Variants in AFF1 observed in about 807,000 individuals in gnomAD.
AFF1 encodes the protein AF4/FMR2 family member 1.
Under a neutral mutation model 121.7 loss-of-function variants are expected in AFF1, and 48 were observed. The ratio of observed to expected loss-of-function variants is 0.39; its 90% CI spans 0.31 to 0.50. The LOEUF (loss-of-function observed/expected upper bound fraction) is 0.50. Among genes scored for constraint, AFF1 ranks in the 20% least tolerant of loss-of-function variants. The probability of loss-of-function intolerance (pLI) is 0.76; values close to 1 mark genes in which losing one functional copy is unlikely to be tolerated. For missense variants in AFF1, 1,523 were observed against 1,511.7 expected (o/e 1.01, Z -0.12); for synonymous variants, 613 against 563.0 (o/e 1.09, Z -1.26).
chr4:87,014,493 A>T (rs939586932), intron 2 of AFF1, among the ~76,000 whole-genome samples: 1 of 152,226 alleles, frequency 6.6e-6, no homozygotes, highest in Non-Finnish European at 1.5e-5. Flanking sequence ...CTGGGAAGTA[A>T]ATGTTAAAAT....
chr4:87,069,025 G>A (rs994942531), intron 4 of AFF1, among the ~76,000 whole-genome samples: 1 of 152,134 alleles, frequency 6.6e-6, no homozygotes, highest in African/African-American at 2.4e-5. Flanking sequence ...TAAGTGAGAG[G>A]TGAGGCCACA....
intron 16 of AFF1, among the ~76,000 whole-genome samples, chr4:87,129,431 A>T (rs946922507): frequency 2.6e-5 from 4 of 152,252 alleles, no homozygotes; most frequent in African/African-American, 9.6e-5. Flanking sequence ...ACTTATCTAA[A>T]GGAAATGGAT....
intron 1 of AFF1, among the ~76,000 whole-genome samples, chr4:86,946,806 C>A (rs7692406): frequency 0.018 from 2,800 of 152,154 alleles, 83 homozygotes; most frequent in African/African-American, 0.064. Context: ...CACCCAACAG[C>A]CCAACCTGTC....
chr4:87,083,309 C>G (rs1055558489), intron 4 of AFF1, among the ~76,000 whole-genome samples: 2 of 152,138 alleles, frequency 1.3e-5, no homozygotes, highest in Non-Finnish European at 2.9e-5. Context: ...AATAATTAAT[C>G]TCCTCTACCC....
Position 87,111,020 on chromosome 4 carries a change from T to A in AFF1, c.1533+2705T>A, listed in dbSNP as rs1162196666. ...TTTATTTTTTTTTTTTTATTTTTTTTTTTTTGAGACGGAGTCTCGCTCTGT... is the reference window on the plus strand; with the variant it reads ...TTTATTTTTTTTTTTTTATTTTTTTATTTTTGAGACGGAGTCTCGCTCTGT... On this transcript the variant is annotated intron_variant, in intron 11 of 20. Coordinates refer to ENST00000395146, the MANE Select transcript of AFF1 (RefSeq NM_001166693.3). Among the ~76,000 whole-genome samples the A allele has an allele frequency of 2.5e-4, 7 of 27,780 alleles. 2 individuals are homozygous for A. The highest frequency in any genetic ancestry group is 6.3e-4 in the Non-Finnish European group (7 of 11,106). The allele number at this position is 27,780 out of a possible 152,430, so 18.2% of individuals were successfully genotyped here.
At chr4:87,042,226 A>T (rs1256456309) in intron 2 of AFF1, among the ~76,000 whole-genome samples, 2 of 152,196 alleles carry the variant, frequency 1.3e-5, no homozygotes, top group African/African-American at 4.8e-5. Flanking sequence ...TCAAAATGGA[A>T]CCAAGAAAAA....
At chr4:87,108,058 C>CTG in intron 10 of AFF1, 101 bp from the exon 11 acceptor site, 1 of 1,358,984 alleles carries the variant, frequency 7.4e-7, no homozygotes, top group Non-Finnish European at 1.0e-6. Flanking sequence ...GTATCTAATA[C>CTG]CAAGGCCCGC....
At chr4:87,006,851 C>A (rs1021406243) in intron 2 of AFF1, 1 of 606,840 alleles carries the variant, frequency 1.6e-6, no homozygotes, top group South Asian at 7.1e-5. Flanking sequence ...CCCTACCCGA[C>A]CCTGCCTGCC....
intron 4 of AFF1, among the ~76,000 whole-genome samples, chr4:87,056,642 G>T (rs1720172417): frequency 6.6e-6 from 1 of 152,086 alleles, no homozygotes; most frequent in Non-Finnish European, 1.5e-5. Flanking sequence ...GTCATAGAAG[G>T]ATTCATATTT....
At chr4:86,992,148 C>G (rs1289865512) in intron 2 of AFF1, among the ~76,000 whole-genome samples, 1 of 152,118 alleles carries the variant, frequency 6.6e-6, no homozygotes, top group Non-Finnish European at 1.5e-5. Flanking sequence ...AGAGGCTGTG[C>G]AGCATAGTGG....
chr4:86,963,707 A>G (rs1224387347), intron 2 of AFF1, among the ~76,000 whole-genome samples: 1 of 152,164 alleles, frequency 6.6e-6, no homozygotes, highest in Non-Finnish European at 1.5e-5. Context: ...TCAACCTGGA[A>G]TGAGTTTTCT....
rs147629221 is a variant in AFF1 at position 87,114,994 on chromosome 4, C to T, written c.2161C>T (p.His721Tyr). 6,559 of 1,614,034 alleles carry T rather than the reference C, an allele frequency of 4.1e-3. 13 individuals carry two copies. The highest frequency in any genetic ancestry group is 5.1e-3 in the Non-Finnish European group (5,977 of 1,179,960). Residue 721 changes from histidine (H) to tyrosine (Y), a missense_variant, in exon 12 of 21, where the codon CAC becomes TAC. His to Tyr is a moderately conservative substitution (Grantham distance 83, BLOSUM62 2). This residue lies in a region of AFF1 where 905 missense variants were observed against 842.5 expected (regional missense o/e 1.07). Coordinates refer to ENST00000395146, the MANE Select transcript of AFF1 (RefSeq NM_001166693.3). The part of the protein sequence containing the change: ...VPLTESQGPP[H>Y]SGSGSRTSGC... Reference sequence around the variant, plus strand: ...CCTGACTGAGAGCCAGGGCCCACCCCACAGTGGCAGCGGCAGCAGGACTAG... The same window carrying T: ...CCTGACTGAGAGCCAGGGCCCACCCTACAGTGGCAGCGGCAGCAGGACTAG...
chr4:87,039,980 C>T (rs1181073992), intron 2 of AFF1, among the ~76,000 whole-genome samples: 2 of 152,154 alleles, frequency 1.3e-5, no homozygotes, highest in Non-Finnish European at 2.9e-5. Flanking sequence ...CGGCTCACTG[C>T]AGCCGAGATC....
At chr4:87,002,240 G>C (rs1725781758) in intron 2 of AFF1, among the ~76,000 whole-genome samples, 1 of 150,934 alleles carries the variant, frequency 6.6e-6, no homozygotes, top group South Asian at 2.1e-4. Flanking sequence ...CTACAAGTGT[G>C]AGCCACCATG....
intron 4 of AFF1, among the ~76,000 whole-genome samples, chr4:87,062,696 G>A (rs977736062): frequency 6.6e-6 from 1 of 152,044 alleles, no homozygotes; most frequent in Non-Finnish European, 1.5e-5. Context: ...ACAAAAGTTT[G>A]TTTCTTTCTT....
intron 2 of AFF1, chr4:87,036,810 C>T (rs956585620): frequency 3.9e-6 from 2 of 513,970 alleles, no homozygotes; most frequent in African/African-American, 3.9e-5. Context: ...CAAGTATCTG[C>T]TTTTTTTCTC....
At position 87,114,477 on chromosome 4, in the gene AFF1, C is replaced by T. The variant is rs370123349; in HGVS notation, c.1644C>T (p.His548=). Residue 548 remains histidine, a synonymous_variant, in exon 12 of 21, where the codon CAC becomes CAT. Coordinates refer to ENST00000395146, the MANE Select transcript of AFF1 (RefSeq NM_001166693.3). ...GGAGCACAGAGCCCCCACGGCGGCACCCAGAGAGTAAGGGCAGCAGCGACA... is the reference window on the plus strand; with the variant it reads ...GGAGCACAGAGCCCCCACGGCGGCATCCAGAGAGTAAGGGCAGCAGCGACA... ...GPRSTEPPRR[H]PESKGSSDSA... 1.1e-5 allele frequency: 17 copies of T among 1,613,702 alleles called. No individual in the cohort carries two copies. The African/African-American group carries it at 1.7e-4, about 16-fold the overall frequency.
At chr4:87,135,459 T>A in intron 20 of AFF1, 121 bp from the exon 21 acceptor site, 4 of 1,013,032 alleles carry the variant, frequency 3.9e-6, no homozygotes. Context: ...TTTTTTGATG[T>A]GATTAAGTGC....
Position 87,060,771 on chromosome 4 carries a change from G to A in AFF1, c.1059+13177G>A, listed in dbSNP as rs571911595. On this transcript the variant is annotated intron_variant, in intron 4 of 20. Transcript: ENST00000395146. ...GGAGAATTGCTTGAACCTGGGAGGC[G>A]GAGGTTGCAGTGAGCCGAGATCACG... Among the ~76,000 whole-genome samples the A allele has an allele frequency of 1.1e-4, 17 of 148,558 alleles. No homozygotes were observed. In the South Asian group the frequency reaches 2.8e-3, roughly 25 times the overall value.
Sources: gnomAD v4.1 joint callset for allele counts (sites outside exome capture counted in the v4.1 genomes callset) on GRCh38, gnomAD v4.1.1 for gene constraint, gnomAD v4.1.1 regional missense constraint, MANE v1.5 for transcripts, NCBI Gene and HGNC (gene_info 2026-07-23, HGNC 2026-07-21) for gene names.